The following NEGR1 variants were observed in gnomAD, a reference collection of about 807,000 sequenced individuals.
NEGR1 encodes the protein IgLON family member 4.
Under a neutral mutation model 40.9 loss-of-function variants are expected in NEGR1, and 10 were observed. That is an observed-to-expected ratio of 0.24 (90% CI 0.15 to 0.42). NEGR1 has a LOEUF of 0.42. Ranked by LOEUF, NEGR1 falls within the 10% of genes least tolerant of loss-of-function variation. The pLI is 1.00. For missense variants in NEGR1, 352 were observed against 438.9 expected, an observed-to-expected ratio of 0.80 and a Z score of 1.77; for synonymous variants, 185 against 166.8, an observed-to-expected ratio of 1.11 and a Z score of -0.84.
intron 6 of NEGR1, among the ~76,000 whole-genome samples, chr1:71,577,619 A>G (rs936020657): frequency 3.3e-5 from 5 of 152,194 alleles, no homozygotes; most frequent in African/African-American, 1.2e-4. Flanking sequence ...TCATTTCAAA[A>G]TGTTATAATA....
At chr1:72,269,048 T>C (rs1422238475) in intron 1 of NEGR1, among the ~76,000 whole-genome samples, 1 of 151,566 alleles carries the variant, frequency 6.6e-6, no homozygotes, top group African/African-American at 2.4e-5. Context: ...TTTAAAAGAT[T>C]CTTAAATTAT....
At chr1:71,803,263 A>G (rs576356537) in intron 2 of NEGR1, among the ~76,000 whole-genome samples, 3 of 152,264 alleles carry the variant, frequency 2.0e-5, no homozygotes, top group Non-Finnish European at 4.4e-5. Context: ...ATGTGAGGAC[A>G]CAACCAGAAT....
rs566479934 is a variant in NEGR1, at chr1:71,691,871, C to CT, written c.667+6136dup. 6.9e-3 allele frequency among the ~76,000 whole-genome samples: 978 copies of CT among 141,690 alleles called. 5 individuals are homozygous for CT. Among genetic ancestry groups the CT allele is most frequent in the Non-Finnish European group, 7.7e-3 (496 of 64,070 alleles). 93.0% of individuals were successfully genotyped at this position (141,690 alleles called of 152,430 possible). A position where few individuals can be genotyped will look rare whatever the true frequency, so the allele number is the denominator to read the frequency against. ...TCTTCTGACTGGAAGATCTTTCTTTCTTTTTTTTTTTTTAATTTTAGAAAT... is the reference window on the plus strand; with the variant it reads ...TCTTCTGACTGGAAGATCTTTCTTTCTTTTTTTTTTTTTTAATTTTAGAAAT... On this transcript the variant is annotated intron_variant, in intron 4 of 6. Transcript: ENST00000357731.
intron 5 of NEGR1, among the ~76,000 whole-genome samples, chr1:71,600,098 T>C (rs1170852137): frequency 6.6e-6 from 1 of 152,210 alleles, no homozygotes; most frequent in Admixed American, 6.5e-5. Flanking sequence ...CAGCTTCCTT[T>C]CTCTGATCAT....
At chr1:71,775,891 GC>G (rs1175825006) in intron 3 of NEGR1, among the ~76,000 whole-genome samples, 1 of 151,694 alleles carries the variant, frequency 6.6e-6, no homozygotes, top group Non-Finnish European at 1.5e-5. Flanking sequence ...TACTCAGGAG[GC>G]TGAGGCAGGA....
At chr1:71,962,866 G>A (rs1646177672) in intron 1 of NEGR1, among the ~76,000 whole-genome samples, 1 of 150,084 alleles carries the variant, frequency 6.7e-6, no homozygotes. Context: ...AACCCTGAAT[G>A]GACATCGGAT....
chr1:71,806,696 G>A (rs1657782224), intron 2 of NEGR1, among the ~76,000 whole-genome samples: 1 of 151,868 alleles, frequency 6.6e-6, no homozygotes, highest in South Asian at 2.1e-4. Context: ...GCCCTATAAG[G>A]CAATAATCTT....
At chr1:72,115,157 G>T (rs1649532722) in intron 1 of NEGR1, among the ~76,000 whole-genome samples, 1 of 151,676 alleles carries the variant, frequency 6.6e-6, no homozygotes, top group Non-Finnish European at 1.5e-5. Flanking sequence ...TCTCAGGAAT[G>T]CAAGTGCCTA....
intron 6 of NEGR1, among the ~76,000 whole-genome samples, chr1:71,425,906 T>A (rs1210438803): frequency 6.6e-6 from 1 of 152,162 alleles, no homozygotes; most frequent in Non-Finnish European, 1.5e-5. Context: ...CTGAGGCTCA[T>A]GATTACATAA....
intron 3 of NEGR1, among the ~76,000 whole-genome samples, chr1:71,745,679 G>C (rs183455731): frequency 1.3e-5 from 2 of 152,100 alleles, no homozygotes; most frequent in African/African-American, 4.8e-5. Context: ...CAAAGTGAAG[G>C]CTTAAAAAGC....
intron 6 of NEGR1, among the ~76,000 whole-genome samples, chr1:71,432,178 C>T (rs1207722386): frequency 1.3e-5 from 2 of 152,118 alleles, no homozygotes; most frequent in African/African-American, 4.8e-5. Context: ...ATATATCATT[C>T]AGGCTCTTTG....
rs544845362 is a variant in NEGR1 at position 71,682,026 on chromosome 1, C to T, written c.667+15982G>A. ...ATTTTTAGTAGAGATGGGGTTTTGC[C>T]ATGTTGGCCAGGCTGGTCTCAGACT... On this transcript the variant is annotated intron_variant, in intron 4 of 6. Coordinates refer to ENST00000357731, the MANE Select transcript of NEGR1 (RefSeq NM_173808.3). Among the ~76,000 whole-genome samples the T allele has an allele frequency of 5.9e-5, 9 of 151,800 alleles. No homozygotes were observed. In the South Asian group the frequency reaches 1.9e-3, roughly 32 times the overall value.
intron 1 of NEGR1, among the ~76,000 whole-genome samples, chr1:72,071,392 A>T (rs1557511883): frequency 6.6e-6 from 1 of 152,160 alleles, no homozygotes; most frequent in East Asian, 1.9e-4. Context: ...ATTCAATTTA[A>T]TGGCAATATT....
At chr1:72,089,818 CTAAT>C (rs1373980307) in intron 1 of NEGR1, among the ~76,000 whole-genome samples, 1 of 151,964 alleles carries the variant, frequency 6.6e-6, no homozygotes, top group African/African-American at 2.4e-5. Context: ...ATATATGTAA[CTAAT>C]TAATCAGTGA....
At chr1:72,170,313 C>A (rs12134600) in intron 1 of NEGR1, among the ~76,000 whole-genome samples, 13,362 of 152,034 alleles carry the variant, frequency 0.088, 775 homozygotes, top group Non-Finnish European at 0.13. Context: ...CCAACTCATT[C>A]TTATTGTTTT....
chr1:71,811,597 G>GTAAGTAAATA (rs1269713655), intron 2 of NEGR1, among the ~76,000 whole-genome samples: 2 of 150,434 alleles, frequency 1.3e-5, no homozygotes, highest in Non-Finnish European at 3.0e-5. Flanking sequence ...TTACTTATAA[G>GTAAGTAAATA]TAAGTAATTA....
chr1:72,111,324 AG>A (rs1281310928), intron 1 of NEGR1, among the ~76,000 whole-genome samples: 4 of 151,704 alleles, frequency 2.6e-5, no homozygotes, highest in African/African-American at 9.7e-5. Flanking sequence ...AGAGATAAAG[AG>A]TATTAGCTAT....
intron 1 of NEGR1, among the ~76,000 whole-genome samples, chr1:72,181,389 C>T (rs557193971): frequency 6.6e-6 from 1 of 152,056 alleles, no homozygotes; most frequent in South Asian, 2.1e-4. Context: ...CTTGCACTTT[C>T]TTTGTCCATG....
At chr1:71,544,083 A>G (rs1647807552) in intron 6 of NEGR1, among the ~76,000 whole-genome samples, 1 of 151,710 alleles carries the variant, frequency 6.6e-6, no homozygotes, top group Non-Finnish European at 1.5e-5. Context: ...TGTGAAATGC[A>G]GTCACTTTTG....
Sources: allele counts gnomAD v4.1 joint callset (sites outside exome capture counted in the v4.1 genomes callset), GRCh38; gene constraint gnomAD v4.1.1; transcripts MANE v1.5; gene names NCBI Gene and HGNC (gene_info 2026-07-23, HGNC 2026-07-21).